ZNF765: variants seen among roughly 807,000 people sequenced by gnomAD.
The protein encoded by ZNF765 is zinc finger protein 765.
Under a neutral mutation model 44.7 loss-of-function variants are expected in ZNF765, and 37 were observed. The ratio of observed to expected loss-of-function variants is 0.83; its 90% CI spans 0.64 to 1.09. The LOEUF (loss-of-function observed/expected upper bound fraction) is 1.09, where lower values mean the gene tolerates loss of function less well. Ranked by LOEUF, ZNF765 falls within the 50% of genes least tolerant of loss-of-function variation. ZNF765 has a pLI of 0.00. For missense variants in ZNF765, 594 were observed against 626.1 expected (o/e 0.95, Z 0.55); for synonymous variants, 201 against 213.7 (o/e 0.94, Z 0.52).
rs781648832 is a variant in ZNF765, at chr19:53,423,073, G to T, written c.154G>T (p.Glu52Ter). ...TTTTGTGTCCACAGAGTTGTCAGGG[G>T]AGTGTCCATTGGCAGCACCTGCCTC... The change falls in exon 4 of 4, where the codon GAG becomes TAG. Residue 52 changes from glutamate to a stop codon, truncating the protein, a stop_gained. Transcript: ENST00000594030. LOFTEE classifies it high-confidence loss of function. 3.6e-4 allele frequency: 249 copies of T among 700,580 alleles called. 1 individual carries two copies. Among genetic ancestry groups the T allele is most frequent in the Non-Finnish European group, 5.7e-4 (219 of 383,848 alleles). The allele number at this position is 700,580 out of a possible 1,614,324, so 43.4% of individuals were successfully genotyped here.
At chr19:53,405,080 G>A (rs1026474999) in intron 3 of ZNF765, among the ~76,000 whole-genome samples, 13 of 152,256 alleles carry the variant, frequency 8.5e-5, no homozygotes, top group African/African-American at 2.4e-4. Context: ...GGCCGGGCAC[G>A]GTGGCTCAAG....
Position 53,410,966 on chromosome 19 carries a change from C to T in ZNF765, c.*1839C>T, listed in dbSNP as rs1600061083. ...CCAAAGTCTTCAGTCTGAGCTCACT[C>T]CTTGCAGGATATCAGAAAATTCATT... On this transcript the variant is annotated 3_prime_UTR_variant, in exon 4 of 4. Coordinates refer to ENST00000396408, the MANE Select transcript of ZNF765 (RefSeq NM_001040185.3). 2.7e-6 allele frequency: 1 copy of T among 375,736 alleles called. No individual in the cohort carries two copies. Among genetic ancestry groups the T allele is most frequent in the East Asian group, 7.4e-5 (1 of 13,424 alleles). The allele number at this position is 375,736 out of a possible 1,614,324, so 23.3% of individuals were successfully genotyped here.
exon 4 of ZNF765, chr19:53,424,428 C>G (rs1004386575): frequency 6.6e-6 from 1 of 151,930 alleles, no homozygotes; most frequent in African/African-American, 2.4e-5. Context: ...GAACCGAGAT[C>G]GCGCCACAGC....
intron 3 of ZNF765, among the ~76,000 whole-genome samples, chr19:53,422,893 T>A (rs1190690765): frequency 6.6e-6 from 1 of 152,138 alleles, no homozygotes; most frequent in African/African-American, 2.4e-5. Flanking sequence ...TATCTGTCCT[T>A]TTACATCACT....
At chr19:53,402,003 A>T (rs181138692) in intron 2 of ZNF765, 62 bp from the exon 3 acceptor site, 6 of 1,613,622 alleles carry the variant, frequency 3.7e-6, no homozygotes, top group Non-Finnish European at 5.1e-6. Context: ...TCTTCTTCTC[A>T]TTTTCTGTAA....
At chr19:53,402,821 A>G (rs2085740637) in intron 3 of ZNF765, among the ~76,000 whole-genome samples, 1 of 152,122 alleles carries the variant, frequency 6.6e-6, no homozygotes, top group African/African-American at 2.4e-5. Context: ...TAGTCTCCCG[A>G]GTAGCTGGGA....
chr19:53,407,678 T>G lies in ZNF765; in HGVS notation c.143-20T>G, dbSNP rs377634214. On this transcript the variant is annotated intron_variant, in intron 3 of 3. Coordinates refer to ENST00000396408, the MANE Select transcript of ZNF765 (RefSeq NM_001040185.3). ...CCATCTGTACTTAATTTGAAACCTT[T>G]TGGTGTGTATACTTTTTAGATATCT... 22 of 1,507,108 alleles carry G rather than the reference T, an allele frequency of 1.5e-5. No homozygotes were observed. The highest frequency in any genetic ancestry group is 1.8e-5 in the Non-Finnish European group (20 of 1,126,476). 93.4% of individuals were successfully genotyped at this position (1,507,108 alleles called of 1,614,324 possible).
At position 53,401,007 on chromosome 19, in the gene ZNF765, A is replaced by T. The variant is rs8102317; in HGVS notation, c.16-1058A>T. Among the ~76,000 whole-genome samples, 582 of 142,388 alleles carry T rather than the reference A, an allele frequency of 4.1e-3. 6 individuals carry two copies. Among genetic ancestry groups the T allele is most frequent in the African/African-American group, 0.014 (564 of 39,096 alleles). The allele number at this position is 142,388 out of a possible 152,430, so 93.4% of individuals were successfully genotyped here. A position where few individuals can be genotyped will look rare whatever the true frequency, so the allele number is the denominator to read the frequency against. On this transcript the variant is annotated intron_variant, in intron 2 of 3. Coordinates refer to ENST00000396408, the MANE Select transcript of ZNF765 (RefSeq NM_001040185.3). ...GCCACCATGCCTCGCTAATTCGCTA[A>T]TTTTTTTTTTTTTTGGAGATGGAGT...
intron 3 of ZNF765, among the ~76,000 whole-genome samples, chr19:53,402,407 C>T (rs2865699): frequency 0.028 from 4,258 of 152,096 alleles, 94 homozygotes; most frequent in Middle Eastern, 0.072. Flanking sequence ...CAGGCACCCA[C>T]CAACATGCCT....
chr19:53,410,575 G>A lies in ZNF765; in HGVS notation c.*1448G>A. The A allele has an allele frequency of 2.3e-6, 1 of 444,376 alleles. No individual in the cohort carries two copies. The highest frequency in any genetic ancestry group is 4.5e-6 in the Non-Finnish European group (1 of 221,970). 27.5% of individuals were successfully genotyped at this position (444,376 alleles called of 1,614,324 possible). On this transcript the variant is annotated 3_prime_UTR_variant, in exon 4 of 4. Transcript: ENST00000396408. ...TGTTTACCATCAGGCAATCCATGGT[G>A]TAGGGAAACTTTACTTATGTAATGA...
chr19:53,409,334 G>T lies in ZNF765; in HGVS notation c.*207G>T. 1 of 852,774 alleles carries T rather than the reference G, an allele frequency of 1.2e-6. No homozygotes were observed. Among genetic ancestry groups the T allele is most frequent in the Non-Finnish European group, 2.0e-6 (1 of 497,430 alleles). The allele number at this position is 852,774 out of a possible 1,614,324, so 52.8% of individuals were successfully genotyped here. A position where few individuals can be genotyped will look rare whatever the true frequency, so the allele number is the denominator to read the frequency against. On this transcript the variant is annotated 3_prime_UTR_variant, in exon 4 of 4. Coordinates refer to ENST00000396408, the MANE Select transcript of ZNF765 (RefSeq NM_001040185.3). ...CCTTGAGTCATACGTCATCTTTTGT[G>T]TACCATCATAAACTTCATAGTGGAG... is the stretch of plus-strand genomic sequence containing the variant.
intron 2 of ZNF765, chr19:53,401,787 A>T: frequency 1.5e-6 from 1 of 677,852 alleles, no homozygotes; most frequent in African/African-American, 1.8e-5. Context: ...AAGGCAGGAG[A>T]ATCGTTTGAT....
intron 3 of ZNF765, among the ~76,000 whole-genome samples, chr19:53,420,023 AAAT>A (rs2085898022): frequency 6.7e-6 from 1 of 149,866 alleles, no homozygotes; most frequent in African/African-American, 2.5e-5. Context: ...TCCGTCTCAA[AAAT>A]AATAATAAAA....
At chr19:53,413,127 A>G (rs77874648), downstream of ZNF765, 1 of 460,492 alleles carries the variant, frequency 2.2e-6, no homozygotes, top group East Asian at 5.2e-5. Flanking sequence ...AAAAAAAAAA[A>G]GATGTCAAGC....
intron 3 of ZNF765, among the ~76,000 whole-genome samples, chr19:53,421,519 A>AT (rs57074293): frequency 6.6e-6 from 1 of 151,620 alleles, no homozygotes; most frequent in Admixed American, 6.6e-5. Flanking sequence ...TTATTTATTT[A>AT]TTTTTTTTTT....
intron 3 of ZNF765, among the ~76,000 whole-genome samples, chr19:53,417,615 C>A (rs1051158371): frequency 5.3e-5 from 8 of 152,116 alleles, no homozygotes; most frequent in Non-Finnish European, 1.0e-4. Flanking sequence ...TACAATAGAA[C>A]AATTTATATT....
At chr19:53,407,662 C>G (rs774960183) in intron 3 of ZNF765, 36 bp from the exon 4 acceptor site, 35 of 1,456,266 alleles carry the variant, frequency 2.4e-5, no homozygotes, top group Non-Finnish European at 3.0e-5. Context: ...ACCATCTGTA[C>G]TTAATTTGAA....
At chr19:53,407,572 C>T in intron 3 of ZNF765, 126 bp from the exon 4 acceptor site, 3 of 632,850 alleles carry the variant, frequency 4.7e-6, no homozygotes, top group Non-Finnish European at 7.3e-6. Context: ...TTTTCTGTTC[C>T]TAAACTTTGA....
intron 3 of ZNF765, among the ~76,000 whole-genome samples, chr19:53,403,883 A>G (rs2085751540): frequency 6.6e-6 from 1 of 151,982 alleles, no homozygotes; most frequent in Admixed American, 6.6e-5. Context: ...ATAACCTGCA[A>G]AAGCCACTCT....
Sources: gnomAD v4.1 joint callset for allele counts (sites outside exome capture counted in the v4.1 genomes callset) on GRCh38, gnomAD v4.1.1 for gene constraint, MANE v1.5 for transcripts, NCBI Gene and HGNC (gene_info 2026-07-23, HGNC 2026-07-21) for gene names.